Variants in NEK10 observed in about 807,000 individuals in gnomAD.
NEK10 encodes serine/threonine-protein kinase Nek10.
A neutral mutation model predicts 159.8 loss-of-function variants in NEK10; 122 were observed. The observed-to-expected ratio is 0.76, with a 90% CI of 0.66 to 0.89. NEK10 has a LOEUF of 0.89. Ranked by LOEUF, NEK10 falls within the 40% of genes least tolerant of loss-of-function variation. NEK10 has a pLI of 0.00. For synonymous variants in NEK10, 466 were observed against 457.1 expected (o/e 1.02, Z -0.25); for missense variants, 1,342 against 1,323.1 (o/e 1.01, Z -0.22).
chr3:27,247,820 C>CT (rs111440414), intron 23 of NEK10, among the ~76,000 whole-genome samples: 36,284 of 125,870 alleles, frequency 0.29, 4,910 homozygotes, highest in Middle Eastern at 0.38. Flanking sequence ...CTTTTCTTTT[C>CT]TTTTTTTTTT....
intron 1 of NEK10, among the ~76,000 whole-genome samples, chr3:27,361,302 C>T (rs567562674): frequency 3.7e-4 from 57 of 152,150 alleles, no homozygotes; most frequent in Non-Finnish European, 6.6e-4. Flanking sequence ...CTACAGCATC[C>T]AATTCTACTC....
Position 27,238,233 on chromosome 3 carries a change from G to A in NEK10, c.2090+18063C>T, listed in dbSNP as rs541714134. Among the ~76,000 whole-genome samples the A allele has an allele frequency of 3.3e-5, 5 of 152,278 alleles. No homozygotes were observed. The South Asian group carries it at 1.0e-3, about 32-fold the overall frequency. On this transcript the variant is annotated intron_variant, in intron 23 of 35. Transcript: ENST00000691995. ...AATCATGATTTTAACCAAGTATTGG[G>A]ATTCGATCCAGATATTAAAACTGAA...
chr3:27,229,674 A>C (rs1953024031), intron 23 of NEK10, among the ~76,000 whole-genome samples: 2 of 152,188 alleles, frequency 1.3e-5, no homozygotes, highest in South Asian at 4.1e-4. Flanking sequence ...CATAAGGAAA[A>C]ACCAATCAGA....
intron 20 of NEK10, among the ~76,000 whole-genome samples, chr3:27,285,203 T>A (rs1267918351): frequency 6.6e-6 from 1 of 152,084 alleles, no homozygotes; most frequent in Non-Finnish European, 1.5e-5. Flanking sequence ...TTAGCATAAG[T>A]TTACACTGGC....
chr3:27,317,096 A>T (rs979799097), intron 6 of NEK10, among the ~76,000 whole-genome samples: 1 of 152,212 alleles, frequency 6.6e-6, no homozygotes, highest in Non-Finnish European at 1.5e-5. Flanking sequence ...TCATTATGTT[A>T]TGTACTCAAG....
intron 31 of NEK10, among the ~76,000 whole-genome samples, 187 bp from the exon 32 acceptor site, chr3:27,132,177 T>A (rs1195700820): frequency 6.6e-6 from 1 of 152,216 alleles, no homozygotes; most frequent in Non-Finnish European, 1.5e-5. Flanking sequence ...AAGGAATATA[T>A]TATTTTGCTC....
chr3:27,277,305 A>C (rs569551168), intron 22 of NEK10, among the ~76,000 whole-genome samples: 1 of 152,272 alleles, frequency 6.6e-6, no homozygotes, highest in South Asian at 2.1e-4. Flanking sequence ...CCTTGTTGTG[A>C]GATAACTAAA....
At chr3:27,222,279 G>A (rs968585092) in intron 23 of NEK10, among the ~76,000 whole-genome samples, 5 of 152,134 alleles carry the variant, frequency 3.3e-5, no homozygotes, top group African/African-American at 4.8e-5. Context: ...AGGCTGAGAC[G>A]GGAGAATTAC....
intron 23 of NEK10, among the ~76,000 whole-genome samples, chr3:27,218,443 A>G (rs890697287): frequency 6.6e-6 from 1 of 152,008 alleles, no homozygotes. Flanking sequence ...TGCCTCTACT[A>G]AAAATACAAA....
chr3:27,172,346 A>C (rs1019447502), intron 28 of NEK10, among the ~76,000 whole-genome samples: 2 of 151,400 alleles, frequency 1.3e-5, no homozygotes, highest in African/African-American at 4.8e-5. Flanking sequence ...AAAAAAAAAA[A>C]AAAAAAAAAA....
chr3:27,307,728 A>G, intron 11 of NEK10, 131 bp downstream of exon 11: 1 of 641,700 alleles, frequency 1.6e-6, no homozygotes, highest in Non-Finnish European at 2.8e-6. Context: ...AAACTTAAAC[A>G]GAAAATAAAT....
intron 23 of NEK10, among the ~76,000 whole-genome samples, chr3:27,247,904 T>C (rs923326669): frequency 6.6e-6 from 1 of 150,724 alleles, no homozygotes; most frequent in Non-Finnish European, 1.5e-5. Context: ...TTTGGAAGTA[T>C]ACCCTCTTCC....
chr3:27,340,717 A>C (rs775706389), intron 5 of NEK10, among the ~76,000 whole-genome samples: 1 of 152,164 alleles, frequency 6.6e-6, no homozygotes, highest in Non-Finnish European at 1.5e-5. Flanking sequence ...ACAGATGAGG[A>C]TGTGGATAAG....
rs201064319 is a variant in NEK10, at chr3:27,171,789, A to C, written c.2831+30T>G. 15 of 1,610,256 alleles carry C rather than the reference A, an allele frequency of 9.3e-6. No homozygotes were observed. In the East Asian group the frequency reaches 3.3e-4, roughly 36 times the overall value. On this transcript the variant is annotated intron_variant, in intron 29 of 35. Coordinates refer to ENST00000691995, the MANE Select transcript of NEK10 (RefSeq NM_001394966.1). ...ATTACTCAGCTCTGCAAAATCAAAA[A>C]ATATTTCTAGGAGTTCAATTTGCAC...
chr3:27,138,098 G>T (rs941404070), intron 31 of NEK10, among the ~76,000 whole-genome samples: 3 of 152,204 alleles, frequency 2.0e-5, no homozygotes, highest in Non-Finnish European at 4.4e-5. Flanking sequence ...CTCCTGCGTT[G>T]CCTTGCTGCG....
intron 30 of NEK10, among the ~76,000 whole-genome samples, chr3:27,159,066 T>C (rs895635801): frequency 2.0e-5 from 3 of 152,186 alleles, no homozygotes; most frequent in African/African-American, 7.2e-5. Flanking sequence ...TGGGGACACC[T>C]ACACAGCCTA....
At chr3:27,361,416 G>T (rs1185550090) in intron 1 of NEK10, among the ~76,000 whole-genome samples, 1 of 152,164 alleles carries the variant, frequency 6.6e-6, no homozygotes, top group African/African-American at 2.4e-5. Context: ...TGATGTGAAG[G>T]AAGAATTTAT....
At chr3:27,207,183 C>A (rs1950608528) in intron 23 of NEK10, among the ~76,000 whole-genome samples, 1 of 152,166 alleles carries the variant, frequency 6.6e-6, no homozygotes, top group Non-Finnish European at 1.5e-5. Flanking sequence ...AGCATTACCA[C>A]ATTAGCAGTT....
At chr3:27,124,529 T>C (rs554565713) in intron 32 of NEK10, among the ~76,000 whole-genome samples, 1 of 152,264 alleles carries the variant, frequency 6.6e-6, no homozygotes, top group East Asian at 1.9e-4. Context: ...AGAAGGAAAG[T>C]AATTTACACA....
Sources: gnomAD v4.1 joint callset for allele counts (sites outside exome capture counted in the v4.1 genomes callset) on GRCh38, gnomAD v4.1.1 for gene constraint, MANE v1.5 for transcripts, NCBI Gene and HGNC (gene_info 2026-07-23, HGNC 2026-07-21) for gene names.